Variants in ATP8A2 observed in about 807,000 individuals in gnomAD.
ATP8A2 encodes phospholipid-transporting ATPase IB.
In ATP8A2, 100 loss-of-function variants were observed where a neutral mutation model predicts 165.6. The observed-to-expected ratio is 0.60, with a 90% CI of 0.51 to 0.71. ATP8A2 has a LOEUF of 0.71. ATP8A2 is among the 30% of genes least tolerant of loss of function. The probability of loss-of-function intolerance (pLI) is 0.00; values close to 1 mark genes in which losing one functional copy is unlikely to be tolerated. For synonymous variants in ATP8A2, 543 were observed against 548.8 expected (o/e 0.99, Z 0.15); for missense variants, 1,227 against 1,479.5 (o/e 0.83, Z 2.80).
intron 35 of ATP8A2, among the ~76,000 whole-genome samples, chr13:26,002,586 C>G (rs1430278962): frequency 1.3e-5 from 2 of 151,590 alleles, no homozygotes; most frequent in African/African-American, 2.4e-5. Context: ...AAACTCACTC[C>G]TTTTGTCTAA....
intron 35 of ATP8A2, among the ~76,000 whole-genome samples, chr13:25,993,739 T>C (rs748446690): frequency 2.0e-5 from 3 of 152,204 alleles, no homozygotes; most frequent in African/African-American, 4.8e-5. Context: ...GTCTTGATTA[T>C]TGTAATTATA....
At chr13:25,704,143 C>T (rs2043007039) in intron 25 of ATP8A2, among the ~76,000 whole-genome samples, 1 of 152,086 alleles carries the variant, frequency 6.6e-6, no homozygotes, top group South Asian at 2.1e-4. Flanking sequence ...GAGTCTGATT[C>T]CCAGGCCCTT....
At chr13:25,720,062 C>T (rs1388524931) in intron 25 of ATP8A2, among the ~76,000 whole-genome samples, 2 of 151,970 alleles carry the variant, frequency 1.3e-5, no homozygotes, top group African/African-American at 4.8e-5. Context: ...AGTCTCTCTC[C>T]TGATTTTATA....
At chr13:25,977,806 TGAA>T (rs1412646226) in intron 35 of ATP8A2, among the ~76,000 whole-genome samples, 3 of 152,220 alleles carry the variant, frequency 2.0e-5, no homozygotes, top group Non-Finnish European at 4.4e-5. Context: ...AGTGCTGCGA[TGAA>T]GAAGTGCAGC....
intron 24 of ATP8A2, among the ~76,000 whole-genome samples, chr13:25,613,061 G>A (rs2040729721): frequency 6.6e-6 from 1 of 152,082 alleles, no homozygotes; most frequent in Admixed American, 6.6e-5. Flanking sequence ...CTTGGTTGGT[G>A]AATTCTTATC....
intron 24 of ATP8A2, among the ~76,000 whole-genome samples, chr13:25,666,376 A>ATT (rs1011693928): frequency 4.8e-5 from 7 of 146,990 alleles, no homozygotes; most frequent in South Asian, 4.3e-4. Context: ...TGCCCGGCTA[A>ATT]TTTTTTGTGT....
At chr13:25,967,511 A>G (rs1955805859) in intron 34 of ATP8A2, among the ~76,000 whole-genome samples, 2 of 152,068 alleles carry the variant, frequency 1.3e-5, no homozygotes, top group South Asian at 2.1e-4. Flanking sequence ...TGTTCCCATG[A>G]CACCGTTTTC....
intron 24 of ATP8A2, among the ~76,000 whole-genome samples, chr13:25,685,472 A>C (rs2042581753): frequency 6.6e-6 from 1 of 152,170 alleles, no homozygotes; most frequent in African/African-American, 2.4e-5. Flanking sequence ...ACAGTGAGCA[A>C]AATGTGTCAG....
At chr13:25,661,926 G>T (rs1402959644) in intron 24 of ATP8A2, among the ~76,000 whole-genome samples, 1 of 152,206 alleles carries the variant, frequency 6.6e-6, no homozygotes, top group African/African-American at 2.4e-5. Flanking sequence ...TGGGTAGTAA[G>T]AACAATGAGG....
chr13:25,424,658 G>A (rs556042081), intron 1 of ATP8A2, among the ~76,000 whole-genome samples: 2 of 152,240 alleles, frequency 1.3e-5, no homozygotes, highest in African/African-American at 4.8e-5. Context: ...CACTTAAACC[G>A]TTCAATAAAG....
At chr13:25,855,007 T>A (rs1952116828) in intron 30 of ATP8A2, among the ~76,000 whole-genome samples, 1 of 152,060 alleles carries the variant, frequency 6.6e-6, no homozygotes, top group Non-Finnish European at 1.5e-5. Context: ...TCCCAGCACT[T>A]TGGGAGGCTA....
intron 9 of ATP8A2, among the ~76,000 whole-genome samples, chr13:25,543,040 T>G (rs9581387): frequency 0.057 from 8,672 of 152,234 alleles, 319 homozygotes; most frequent in South Asian, 0.13. Flanking sequence ...TCATGAGAGA[T>G]ATAATTACCT....
rs910167293 is a variant in ATP8A2, at chr13:25,953,717, G to C, written c.3184-7858G>C. On this transcript the variant is annotated intron_variant, in intron 33 of 36. Coordinates refer to ENST00000381655, the MANE Select transcript of ATP8A2 (RefSeq NM_016529.6). This position sits in a 1 kb window ranked among gnomAD's most constrained non-coding sequence, Gnocchi z 6.7. ...CCCACGGAGGGCAAGCCGAAGCAGG[G>C]TGGGGCGTTGCCTCACCCGGGAAGC... 6.6e-6 allele frequency among the ~76,000 whole-genome samples: 1 copy of C among 152,038 alleles called. No homozygotes were observed. Among genetic ancestry groups the C allele is most frequent in the Non-Finnish European group, 1.5e-5 (1 of 68,006 alleles).
intron 33 of ATP8A2, among the ~76,000 whole-genome samples, chr13:25,904,289 T>C (rs1953862011): frequency 6.6e-6 from 1 of 152,214 alleles, no homozygotes; most frequent in East Asian, 1.9e-4. Flanking sequence ...GATGATACTT[T>C]TTCAAGGTTC....
chr13:25,888,123 G>A (rs1953226852), intron 33 of ATP8A2, among the ~76,000 whole-genome samples: 1 of 123,646 alleles, frequency 8.1e-6, no homozygotes, highest in Admixed American at 1.2e-4. Flanking sequence ...CGAATAAACA[G>A]CCTTCTGCTT....
rs147324979 is a variant in ATP8A2, at chr13:25,824,014, A to C, written c.2680-4104A>C. 1.5e-3 allele frequency among the ~76,000 whole-genome samples: 233 copies of C among 152,244 alleles called. 2 individuals carry two copies. Among genetic ancestry groups the C allele is most frequent in the African/African-American group, 5.4e-3 (226 of 41,540 alleles). ...GAGGCAGAGTCTTGCTCTGTCACCC[A>C]GGCTGGGGTGCAGTGGTGCAATCTT... is the stretch of plus-strand genomic sequence containing the variant. On this transcript the variant is annotated intron_variant, in intron 27 of 36. Coordinates refer to ENST00000381655, the MANE Select transcript of ATP8A2 (RefSeq NM_016529.6).
intron 1 of ATP8A2, among the ~76,000 whole-genome samples, chr13:25,445,223 TGCC>T (rs2035037198): frequency 1.3e-5 from 2 of 152,258 alleles, no homozygotes; most frequent in Non-Finnish European, 2.9e-5. Context: ...AAGAAAACTT[TGCC>T]TCCCTTGGAA....
intron 33 of ATP8A2, among the ~76,000 whole-genome samples, chr13:25,959,484 A>T (rs987463562): frequency 6.6e-6 from 1 of 152,254 alleles, no homozygotes; most frequent in Non-Finnish European, 1.5e-5. Context: ...AGACTACAAA[A>T]ATGATGGTAT....
intron 1 of ATP8A2, among the ~76,000 whole-genome samples, chr13:25,400,779 T>C: frequency 6.6e-6 from 1 of 152,228 alleles, no homozygotes; most frequent in East Asian, 1.9e-4. Context: ...CCTCCTATGC[T>C]GTGGCAGTTA....
Sources: gnomAD v4.1 joint callset for allele counts (sites outside exome capture counted in the v4.1 genomes callset) on GRCh38, gnomAD v4.1.1 for gene constraint, Gnocchi (gnomAD v3.1) non-coding constraint, MANE v1.5 for transcripts, NCBI Gene and HGNC (gene_info 2026-07-23, HGNC 2026-07-21) for gene names.